The following NTRK2 variants were observed in gnomAD, a reference collection of about 807,000 sequenced individuals.
The protein encoded by NTRK2 is BDNF/NT-3 growth factors receptor.
In NTRK2, 13 loss-of-function variants were observed where a neutral mutation model predicts 94.5. The observed-to-expected ratio is 0.14, with a 90% CI of 0.09 to 0.22. The LOEUF is 0.22. NTRK2 is among the 10% of genes least tolerant of loss of function. The pLI, the probability that NTRK2 is intolerant of heterozygous loss-of-function variation, is 1.00. For missense variants in NTRK2, 639 were observed against 1,071.2 expected (o/e 0.60, Z 5.63); for synonymous variants, 372 against 407.4 (o/e 0.91, Z 1.05).
At chr9:84,721,877 AG>A (rs1453709311) in intron 6 of NTRK2, among the ~76,000 whole-genome samples, 3 of 152,224 alleles carry the variant, frequency 2.0e-5, no homozygotes, top group African/African-American at 7.2e-5. Context: ...AACAAAATTA[AG>A]TATATACATA....
chr9:84,792,500 T>G (rs1057366405), intron 12 of NTRK2, among the ~76,000 whole-genome samples: 16 of 152,198 alleles, frequency 1.1e-4, no homozygotes, highest in South Asian at 2.1e-4. Context: ...AAATTCCTTC[T>G]CTGCCACCTA....
intron 12 of NTRK2, among the ~76,000 whole-genome samples, chr9:84,793,896 G>A (rs934702458): frequency 5.9e-5 from 9 of 152,214 alleles, no homozygotes; most frequent in African/African-American, 1.9e-4. Context: ...CTCTAAAACA[G>A]CAGAGTTGAG....
At chr9:84,876,966 G>A in intron 14 of NTRK2, 1 of 1,060,898 alleles carries the variant, frequency 9.4e-7, no homozygotes, top group Non-Finnish European at 1.1e-6. Context: ...ATTTTAAAGA[G>A]GAAAACACTC....
At chr9:84,708,670 T>C (rs1176904532) in intron 5 of NTRK2, among the ~76,000 whole-genome samples, 1 of 152,226 alleles carries the variant, frequency 6.6e-6, no homozygotes, top group Non-Finnish European at 1.5e-5. Flanking sequence ...GATTAGGCAA[T>C]GGCATTTGCT....
At chr9:84,701,682 G>T (rs2131682975) in intron 2 of NTRK2, among the ~76,000 whole-genome samples, 1 of 152,284 alleles carries the variant, frequency 6.6e-6, no homozygotes, top group South Asian at 2.1e-4. Flanking sequence ...AGAGGAAGGG[G>T]TAGGGAAAAC....
chr9:84,819,649 G>A lies in NTRK2; in HGVS notation c.1397-41391G>A, dbSNP rs149802768. ...CTGGCAGGTCTCAGGCAGAGGAGGCGTTCAGGGTATGTCTGTTGTGTTCCC... is the reference window on the plus strand; with the variant it reads ...CTGGCAGGTCTCAGGCAGAGGAGGCATTCAGGGTATGTCTGTTGTGTTCCC... On this transcript the variant is annotated intron_variant, in intron 12 of 18. Transcript: ENST00000277120. Among the ~76,000 whole-genome samples the A allele has an allele frequency of 2.7e-3, 412 of 152,322 alleles. 3 individuals carry two copies. The highest frequency in any genetic ancestry group is 9.3e-3 in the African/African-American group (385 of 41,564).
intron 12 of NTRK2, among the ~76,000 whole-genome samples, chr9:84,763,076 G>A (rs1232689837): frequency 2.0e-5 from 3 of 152,068 alleles, no homozygotes; most frequent in Non-Finnish European, 4.4e-5. Flanking sequence ...GCAGCTTTGG[G>A]GACATGGAAA....
intron 12 of NTRK2, among the ~76,000 whole-genome samples, chr9:84,842,369 G>A (rs930313936): frequency 9.9e-5 from 15 of 152,126 alleles, no homozygotes; most frequent in African/African-American, 2.4e-4. Context: ...GGGAAAGAAC[G>A]TTTTTAAGGC....
At position 84,728,058 on chromosome 9, in the gene NTRK2, G is replaced by A; in HGVS notation, c.1159+99G>A. On this transcript the variant is annotated intron_variant, in intron 9 of 18. Coordinates refer to ENST00000277120, the MANE Select transcript of NTRK2 (RefSeq NM_006180.6). ...CAATAAGCCATCCCCCAACCTAGTG[G>A]CTTAAAACTCCATTATTTAGTGTTG... 5 of 1,092,876 alleles carry A rather than the reference G, an allele frequency of 4.6e-6. No homozygotes were observed. In the South Asian group the frequency reaches 5.2e-5, roughly 11 times the overall value. The allele number at this position is 1,092,876 out of a possible 1,614,324, so 67.7% of individuals were successfully genotyped here.
chr9:84,781,540 A>G (rs1272200137), intron 12 of NTRK2, among the ~76,000 whole-genome samples: 1 of 152,214 alleles, frequency 6.6e-6, no homozygotes, highest in African/African-American at 2.4e-5. Flanking sequence ...AGATTAATAA[A>G]TAATGTATTT....
chr9:84,809,060 T>C (rs2133517688), intron 12 of NTRK2, among the ~76,000 whole-genome samples: 1 of 152,320 alleles, frequency 6.6e-6, no homozygotes, highest in East Asian at 1.9e-4. Context: ...CACAGTATTA[T>C]GTATACTAGA....
chr9:84,879,367 GA>G (rs2076188161), intron 14 of NTRK2, among the ~76,000 whole-genome samples: 1 of 152,158 alleles, frequency 6.6e-6, no homozygotes, highest in African/African-American at 2.4e-5. Flanking sequence ...GGAGGTGTAT[GA>G]TACATTTGCT....
intron 12 of NTRK2, among the ~76,000 whole-genome samples, chr9:84,835,656 A>G (rs565392132): frequency 6.6e-6 from 1 of 152,192 alleles, no homozygotes. Flanking sequence ...AAAATCAGGC[A>G]GTTGTCTCTC....
At chr9:84,910,929 A>C (rs954028503) in intron 14 of NTRK2, among the ~76,000 whole-genome samples, 2 of 152,338 alleles carry the variant, frequency 1.3e-5, no homozygotes, top group Non-Finnish European at 2.9e-5. Flanking sequence ...CAATATCTAC[A>C]AAAGATTTCA....
chr9:84,964,784 G>A (rs56328263), intron 17 of NTRK2, among the ~76,000 whole-genome samples: 17,553 of 152,140 alleles, frequency 0.12, 1,126 homozygotes, highest in Admixed American at 0.16. Flanking sequence ...TTTCACATAT[G>A]AAGCCATTTT....
rs1291960153 is a variant in NTRK2, at chr9:85,024,494, G to T, written c.*3057G>T. On this transcript the variant is annotated 3_prime_UTR_variant, in exon 19 of 19. Transcript: ENST00000277120. The stretch of plus-strand genomic sequence containing the variant: ...ATTATTCCTATTTTGTGTAGATGAG[G>T]ACGTTGAGACTCAGAGACATTCAGA... 1 of 232,782 alleles carries T rather than the reference G, an allele frequency of 4.3e-6. No homozygotes were observed. Among genetic ancestry groups the T allele is most frequent in the Non-Finnish European group, 8.5e-6 (1 of 117,882 alleles). 14.4% of individuals were successfully genotyped at this position (232,782 alleles called of 1,614,324 possible).
At chr9:84,881,893 A>G (rs767980998) in intron 14 of NTRK2, among the ~76,000 whole-genome samples, 2 of 152,196 alleles carry the variant, frequency 1.3e-5, no homozygotes, top group Admixed American at 6.5e-5. Flanking sequence ...GTTTTGTATT[A>G]TGAGAGAATA....
At chr9:84,917,987 C>A (rs1351417705) in intron 14 of NTRK2, among the ~76,000 whole-genome samples, 1 of 152,090 alleles carries the variant, frequency 6.6e-6, no homozygotes, top group Non-Finnish European at 1.5e-5. Flanking sequence ...TGCCCACACA[C>A]CGAAATCAAG....
chr9:84,926,792 G>A (rs1007681954), intron 14 of NTRK2, among the ~76,000 whole-genome samples: 1 of 152,146 alleles, frequency 6.6e-6, no homozygotes, highest in Non-Finnish European at 1.5e-5. Flanking sequence ...AGTGGATTGG[G>A]GAAATTACAC....
Sources: gnomAD v4.1 joint callset for allele counts (sites outside exome capture counted in the v4.1 genomes callset) on GRCh38, gnomAD v4.1.1 for gene constraint, MANE v1.5 for transcripts, NCBI Gene and HGNC (gene_info 2026-07-23, HGNC 2026-07-21) for gene names.